Variants in NLGN1 observed in about 807,000 individuals in gnomAD.
The protein encoded by NLGN1 is neuroligin 1.
Under a neutral mutation model 65.5 loss-of-function variants are expected in NLGN1, and 12 were observed. The observed-to-expected ratio is 0.18, with a 90% CI of 0.12 to 0.30. The LOEUF (loss-of-function observed/expected upper bound fraction) is 0.30. Among genes scored for constraint, NLGN1 ranks in the 10% least tolerant of loss-of-function variants. NLGN1 has a pLI of 1.00. For missense variants in NLGN1, 750 were observed against 1,007.1 expected (o/e 0.74, Z 3.46); for synonymous variants, 350 against 359.5 (o/e 0.97, Z 0.30).
At chr3:173,774,804 A>ACCTC (rs771200976) in intron 3 of NLGN1, among the ~76,000 whole-genome samples, 2 of 151,752 alleles carry the variant, frequency 1.3e-5, no homozygotes, top group East Asian at 3.9e-4. Flanking sequence ...GAGGATTTGC[A>ACCTC]CCTCTAATAC....
At chr3:173,957,718 T>G (rs551055769) in intron 4 of NLGN1, among the ~76,000 whole-genome samples, 1 of 152,288 alleles carries the variant, frequency 6.6e-6, no homozygotes, top group Non-Finnish European at 1.5e-5. Flanking sequence ...CCTCCTATGG[T>G]CCTGAATGTA....
intron 2 of NLGN1, among the ~76,000 whole-genome samples, chr3:173,435,621 G>T (rs554257674): frequency 1.3e-5 from 2 of 152,142 alleles, no homozygotes; most frequent in African/African-American, 2.4e-5. Flanking sequence ...CATATCACGA[G>T]GTCAGGAGAT....
At chr3:173,409,600 A>G (rs528145996) in intron 1 of NLGN1, among the ~76,000 whole-genome samples, 2 of 152,244 alleles carry the variant, frequency 1.3e-5, no homozygotes, top group African/African-American at 4.8e-5. Flanking sequence ...TATCCAGTCA[A>G]CAATGTCTCT....
chr3:173,976,165 C>T (rs1490801860), intron 4 of NLGN1, among the ~76,000 whole-genome samples: 2 of 152,030 alleles, frequency 1.3e-5, no homozygotes, highest in Non-Finnish European at 2.9e-5. Context: ...TATTGCTCTC[C>T]TCCTTTCCTG....
Position 173,498,569 on chromosome 3 carries a change from A to T in NLGN1, c.-321+63491A>T, listed in dbSNP as rs192772689. Among the ~76,000 whole-genome samples the T allele has an allele frequency of 4.6e-5, 7 of 151,984 alleles. No homozygotes were observed. The East Asian group carries it at 1.4e-3, about 29-fold the overall frequency. ...TTTATAATCCTCTGGGTATATACCC[A>T]GTAATGGGATGACTGGGTCAAATGG... is the stretch of plus-strand genomic sequence containing the variant. On this transcript the variant is annotated intron_variant, in intron 2 of 6. Transcript: ENST00000457714.
upstream of NLGN1, among the ~76,000 whole-genome samples, chr3:173,397,432 CTGT>C (rs781619759): frequency 9.7e-4 from 147 of 152,220 alleles, no homozygotes; most frequent in Non-Finnish European, 1.4e-3. Flanking sequence ...ATTTCTTCTT[CTGT>C]GCCGCTAACC....
intron 4 of NLGN1, among the ~76,000 whole-genome samples, chr3:174,183,182 C>T (rs544472992): frequency 6.6e-6 from 1 of 152,232 alleles, no homozygotes; most frequent in South Asian, 2.1e-4. Flanking sequence ...TACTAGGCAA[C>T]AGTGCATCCA....
chr3:173,893,266 TGTG>T (rs1302329307), intron 4 of NLGN1, among the ~76,000 whole-genome samples: 11 of 152,120 alleles, frequency 7.2e-5, no homozygotes, highest in African/African-American at 2.7e-4. Context: ...GACAAAGAAT[TGTG>T]GTGGTTAAGA....
intron 2 of NLGN1, among the ~76,000 whole-genome samples, chr3:173,547,577 G>C (rs527600793): frequency 2.9e-4 from 44 of 152,234 alleles, no homozygotes; most frequent in Middle Eastern, 3.4e-3. Context: ...GAACCACACT[G>C]ATGCTTCTTT....
chr3:174,035,177 T>C (rs928638231), intron 4 of NLGN1, among the ~76,000 whole-genome samples: 1 of 152,208 alleles, frequency 6.6e-6, no homozygotes, highest in Non-Finnish European at 1.5e-5. Flanking sequence ...ATTTACTCTA[T>C]GTTTAAAGAT....
chr3:173,433,637 C>A (rs73883140), intron 1 of NLGN1, among the ~76,000 whole-genome samples: 4,376 of 151,722 alleles, frequency 0.029, 210 homozygotes, highest in African/African-American at 0.1. Flanking sequence ...TTTCTATTTT[C>A]TCCCTTTATT....
chr3:173,600,220 C>CACACACAT (rs1750239294), intron 2 of NLGN1, among the ~76,000 whole-genome samples: 5 of 151,928 alleles, frequency 3.3e-5, no homozygotes, highest in African/African-American at 1.2e-4. Flanking sequence ...CACACACACA[C>CACACACAT]ACACACGTGT....
chr3:173,539,281 G>A (rs1330265982), intron 2 of NLGN1, among the ~76,000 whole-genome samples: 1 of 151,586 alleles, frequency 6.6e-6, no homozygotes, highest in Non-Finnish European at 1.5e-5. Flanking sequence ...GAGAAAGAAG[G>A]CAGTGTAGCA....
chr3:173,800,206 T>A (rs1444273859), intron 3 of NLGN1: 2 of 331,966 alleles, frequency 6.0e-6, no homozygotes, highest in Admixed American at 1.0e-4. Context: ...AGAATTTTAG[T>A]ATTTATATTT....
intron 4 of NLGN1, among the ~76,000 whole-genome samples, chr3:173,937,958 T>C (rs1480540889): frequency 6.6e-6 from 1 of 152,170 alleles, no homozygotes; most frequent in East Asian, 1.9e-4. Context: ...TGTTCTGATG[T>C]TAAAAACAAT....
intron 4 of NLGN1, among the ~76,000 whole-genome samples, chr3:174,218,234 A>G (rs1737994782): frequency 6.6e-6 from 1 of 152,006 alleles, no homozygotes; most frequent in Admixed American, 6.6e-5. Context: ...TTCATTGATT[A>G]CCCTTTACCT....
At chr3:173,699,464 G>A (rs942364834) in intron 3 of NLGN1, among the ~76,000 whole-genome samples, 1 of 152,212 alleles carries the variant, frequency 6.6e-6, no homozygotes, top group Non-Finnish European at 1.5e-5. Context: ...CATGAGGGCA[G>A]CCAAATGGCC....
chr3:174,273,318 T>G (rs1749841731), intron 4 of NLGN1, among the ~76,000 whole-genome samples: 1 of 151,608 alleles, frequency 6.6e-6, no homozygotes, highest in African/African-American at 2.4e-5. Flanking sequence ...CACGCACATA[T>G]CCTTTTTCCT....
intron 4 of NLGN1, among the ~76,000 whole-genome samples, chr3:174,036,192 T>C (rs1731097302): frequency 6.6e-6 from 1 of 152,212 alleles, no homozygotes; most frequent in Non-Finnish European, 1.5e-5. Context: ...AATAGTTTAA[T>C]ATCAAGATCA....
Sources: allele counts gnomAD v4.1 joint callset (sites outside exome capture counted in the v4.1 genomes callset), GRCh38; gene constraint gnomAD v4.1.1; transcripts MANE v1.5; gene names NCBI Gene and HGNC (gene_info 2026-07-23, HGNC 2026-07-21).